The following HIRA variants were observed in gnomAD, a reference collection of about 807,000 sequenced individuals.
HIRA encodes the protein protein HIRA.
A neutral mutation model predicts 126.6 loss-of-function variants in HIRA; 13 were observed. The ratio of observed to expected loss-of-function variants is 0.10; its 90% CI spans 0.07 to 0.16. The LOEUF is 0.16. HIRA is among the 10% of genes least tolerant of loss of function. The probability of loss-of-function intolerance (pLI) is 1.00; values close to 1 mark genes in which losing one functional copy is unlikely to be tolerated. For missense variants in HIRA, 834 were observed against 1,314.4 expected, an observed-to-expected ratio of 0.63 and a Z score of 5.65; for synonymous variants, 511 against 520.0, an observed-to-expected ratio of 0.98 and a Z score of 0.24.
intron 11 of HIRA, among the ~76,000 whole-genome samples, chr22:19,385,994 A>T (rs1910495640): frequency 6.6e-6 from 1 of 152,232 alleles, no homozygotes; most frequent in South Asian, 2.1e-4. Context: ...AGCCAACAAG[A>T]CAACACCTGC....
intron 1 of HIRA, among the ~76,000 whole-genome samples, chr22:19,412,769 GCTTTAGATCATGCC>G (rs758715375): frequency 9.9e-5 from 15 of 152,120 alleles, no homozygotes; most frequent in Non-Finnish European, 1.9e-4. Flanking sequence ...CAGCCCATGC[GCTTTAGATCATGCC>G]CACTCACAGC....
At chr22:19,368,429 A>ATT (rs559381485) in intron 15 of HIRA, among the ~76,000 whole-genome samples, 2 of 147,872 alleles carry the variant, frequency 1.4e-5, no homozygotes, top group African/African-American at 4.9e-5. Flanking sequence ...TCCTTTAAAA[A>ATT]TTTTTTTTTT....
At chr22:19,387,642 A>G (rs2089138856) in intron 11 of HIRA, 69 bp downstream of exon 11, 1 of 1,126,040 alleles carries the variant, frequency 8.9e-7, no homozygotes, top group African/African-American at 1.5e-5. Context: ...GGTGTAGTCA[A>G]AGGGGTCTCT....
At chr22:19,395,230 C>T (rs2089213286) in intron 7 of HIRA, among the ~76,000 whole-genome samples, 1 of 152,174 alleles carries the variant, frequency 6.6e-6, no homozygotes, top group Non-Finnish European at 1.5e-5. Flanking sequence ...GCTCTAAAGA[C>T]TTAAGGGTTA....
Position 19,385,555 on chromosome 22 carries a change from A to T in HIRA, c.1295T>A (p.Val432Asp). 1 of 1,614,098 alleles carries T rather than the reference A, an allele frequency of 6.2e-7. No individual in the cohort carries two copies. Among genetic ancestry groups the T allele is most frequent in the African/African-American group, 1.3e-5 (1 of 75,062 alleles). Residue 432 changes from valine (V) to aspartate (D), a missense_variant, in exon 12 of 25, where the codon GTT becomes GAT. Val to Asp is a radical substitution (Grantham distance 152, BLOSUM62 -3). Transcript: ENST00000263208. ...EMGSATSVAG[V>D]VNGESLEDIR... ...ATCTTCAAGACTCTCCCCGTTGACAACGCCTGCGACTGAGGTGGCTGAGCC... is the reference window on the plus strand; with the variant it reads ...ATCTTCAAGACTCTCCCCGTTGACATCGCCTGCGACTGAGGTGGCTGAGCC...
At chr22:19,342,880 AT>A (rs2088646818) in intron 24 of HIRA, among the ~76,000 whole-genome samples, 1 of 152,240 alleles carries the variant, frequency 6.6e-6, no homozygotes, top group African/African-American at 2.4e-5. Context: ...GATAAAGAAA[AT>A]GTGGTATATA....
chr22:19,389,549 G>A (rs1333544233), intron 9 of HIRA, among the ~76,000 whole-genome samples: 1 of 152,160 alleles, frequency 6.6e-6, no homozygotes, highest in Non-Finnish European at 1.5e-5. Flanking sequence ...TAGTGGTGGA[G>A]AGGGGGCTGA....
At chr22:19,398,793 A>G (rs938481538) in intron 5 of HIRA, among the ~76,000 whole-genome samples, 1 of 152,100 alleles carries the variant, frequency 6.6e-6, no homozygotes. Flanking sequence ...CCTAGGCAAC[A>G]TGGCAAAACC....
At position 19,431,262 on chromosome 22, in the gene HIRA, T is replaced by C. The variant is rs558070317; in HGVS notation, c.37+178A>G. Among the ~76,000 whole-genome samples the C allele has an allele frequency of 9.2e-5, 14 of 152,238 alleles. No homozygotes were observed. In the South Asian group the frequency reaches 2.9e-3, roughly 32 times the overall value. On this transcript the variant is annotated intron_variant, in intron 1 of 24. Coordinates refer to ENST00000263208, the MANE Select transcript of HIRA (RefSeq NM_003325.4). Reference sequence around the variant, plus strand: ...GCTGCGGTCAACCCGGAGCACGTGCTGGGGCTCACCAGCCTCTCCGCGCTG... The same window carrying C: ...GCTGCGGTCAACCCGGAGCACGTGCCGGGGCTCACCAGCCTCTCCGCGCTG...
rs1556012327 is a variant in HIRA at position 19,355,795 on chromosome 22, C to T, written c.2526G>A (p.Gly842=). The T allele has an allele frequency of 4.3e-6, 7 of 1,614,004 alleles. No homozygotes were observed. The South Asian group carries it at 5.5e-5, about 13-fold the overall frequency. ...HGIPVMNLSD[G]KAYCFNPSLS... ...GTGACGGATTAAAGCAGTACGCCTT[C>T]CCATCGGACAGGTTCATTACTGGGA... Residue 842 remains glycine, a synonymous_variant, in exon 21 of 25, where the codon GGG becomes GGA. Transcript: ENST00000263208.
At position 19,359,374 on chromosome 22, in the gene HIRA, C is replaced by A; in HGVS notation, c.2196G>T (p.Thr732=). 1 of 1,608,384 alleles carries A rather than the reference C, an allele frequency of 6.2e-7. No individual in the cohort carries two copies. Among genetic ancestry groups the A allele is most frequent in the Non-Finnish European group, 8.5e-7 (1 of 1,177,580 alleles). ...CAGTGAGGATCCGGCTGGTGAGTAC[C>A]GTCTCCCACTCCTTCCCTTCCCGGT... is the stretch of plus-strand genomic sequence containing the variant. The part of the protein sequence containing the change: ...KCNREGKEWE[T]VLTSRILTAA... Residue 732 remains threonine, a synonymous_variant, in exon 18 of 25, where the codon ACG becomes ACT. Transcript: ENST00000263208.
At chr22:19,370,609 C>G (rs772664222) in intron 15 of HIRA, among the ~76,000 whole-genome samples, 5 of 152,186 alleles carry the variant, frequency 3.3e-5, no homozygotes, top group Non-Finnish European at 5.9e-5. Flanking sequence ...TACAAGAAAA[C>G]AGCCACATCA....
At chr22:19,416,315 TTTTC>T (rs1052259059) in intron 1 of HIRA, among the ~76,000 whole-genome samples, 7 of 152,228 alleles carry the variant, frequency 4.6e-5, no homozygotes, top group East Asian at 3.9e-4. Flanking sequence ...TCTTTTTCTT[TTTTC>T]TTTCTTTCTT....
chr22:19,411,066 T>G (rs117482277), intron 1 of HIRA, among the ~76,000 whole-genome samples: 1 of 152,332 alleles, frequency 6.6e-6, no homozygotes, highest in East Asian at 1.9e-4. Flanking sequence ...GGCACACAGC[T>G]GTAACTCCAG....
intron 15 of HIRA, among the ~76,000 whole-genome samples, chr22:19,370,028 G>A (rs1281773644): frequency 6.6e-6 from 1 of 152,236 alleles, no homozygotes; most frequent in Non-Finnish European, 1.5e-5. Flanking sequence ...AGGCTGGAGT[G>A]CAATGGTACA....
At chr22:19,403,147 G>C (rs186645255) in intron 5 of HIRA, among the ~76,000 whole-genome samples, 1 of 151,318 alleles carries the variant, frequency 6.6e-6, no homozygotes, top group Non-Finnish European at 1.5e-5. Flanking sequence ...TCTTCCTATG[G>C]GCATTTTAAA....
intron 13 of HIRA, among the ~76,000 whole-genome samples, chr22:19,382,936 C>T (rs544784358): frequency 1.1e-4 from 17 of 152,256 alleles, no homozygotes; most frequent in Admixed American, 2.6e-4. Context: ...ACTCTCTGCC[C>T]AGTAATTCCA....
At chr22:19,411,716 AAG>A (rs2089354424) in intron 1 of HIRA, among the ~76,000 whole-genome samples, 2 of 152,216 alleles carry the variant, frequency 1.3e-5, no homozygotes, top group Non-Finnish European at 1.5e-5. Flanking sequence ...GGCTGTTGCC[AAG>A]AGTCTCTTAA....
intron 8 of HIRA, among the ~76,000 whole-genome samples, chr22:19,393,915 C>T (rs2089202608): frequency 6.6e-6 from 1 of 152,214 alleles, no homozygotes; most frequent in Non-Finnish European, 1.5e-5. Context: ...TAAGGACTGA[C>T]AGCAGTTCAC....
Sources: allele counts gnomAD v4.1 joint callset (sites outside exome capture counted in the v4.1 genomes callset), GRCh38; gene constraint gnomAD v4.1.1; transcripts MANE v1.5; gene names NCBI Gene and HGNC (gene_info 2026-07-23, HGNC 2026-07-21).